Variants in LIMS4 observed in about 807,000 individuals in gnomAD.
LIMS4 encodes LIM and senescent cell antigen-like-containing domain protein 4.
chr2:110,382,065 C>CAAAA, the LIMS4 span, among the ~76,000 whole-genome samples: 2 of 10,084 alleles, frequency 2.0e-4, no homozygotes, highest in Non-Finnish European at 3.4e-4. Flanking sequence ...GACTCCGTCT[C>CAAAA]AAAAAAAAAA....
chr2:110,360,746 A>AT, the LIMS4 span: 1 of 1,603,146 alleles, frequency 6.2e-7, no homozygotes, highest in African/African-American at 1.4e-5. Context: ...CCATTGGGAG[A>AT]TTCATCCTCG....
chr2:110,366,838 CA>C, the LIMS4 span, among the ~76,000 whole-genome samples: 1 of 150,704 alleles, frequency 6.6e-6, no homozygotes, highest in East Asian at 1.9e-4. Flanking sequence ...ACAACTTCAG[CA>C]AAGTTTCAGG....
the LIMS4 span, among the ~76,000 whole-genome samples, chr2:110,367,687 G>A: frequency 1.4e-5 from 2 of 146,516 alleles, no homozygotes; most frequent in Non-Finnish European, 3.0e-5. Context: ...GACCAGCCTG[G>A]GCAACATGGT....
chr2:110,367,416 A>G, the LIMS4 span, among the ~76,000 whole-genome samples: 1 of 144,020 alleles, frequency 6.9e-6, no homozygotes, highest in Admixed American at 6.8e-5. Context: ...GAACCCAGAA[A>G]TGAAGCCACA....
chr2:110,391,728 T>TA, the LIMS4 span, among the ~76,000 whole-genome samples: 1 of 57,186 alleles, frequency 1.7e-5, no homozygotes, highest in Admixed American at 1.7e-4. Flanking sequence ...CGGGGAGCCA[T>TA]TAGTGAGGCT....
chr2:110,392,595 C>T, the LIMS4 span, among the ~76,000 whole-genome samples: 2 of 152,084 alleles, frequency 1.3e-5, no homozygotes, highest in Admixed American at 6.5e-5. Context: ...GTGATGCGGG[C>T]CTGGAATTTA....
the LIMS4 span, among the ~76,000 whole-genome samples, chr2:110,395,819 G>A: frequency 8.3e-6 from 1 of 120,132 alleles, no homozygotes; most frequent in East Asian, 2.4e-4. Context: ...GAGCCATCAT[G>A]TCCCTGATCT....
the LIMS4 span, among the ~76,000 whole-genome samples, chr2:110,419,669 A>G: frequency 4.5e-5 from 2 of 44,698 alleles, 1 homozygote; most frequent in Non-Finnish European, 7.2e-5. Flanking sequence ...AAAAAAAAAA[A>G]AAAAAAAAGA....
the LIMS4 span, among the ~76,000 whole-genome samples, chr2:110,396,261 G>A: frequency 1.7e-4 from 6 of 35,694 alleles, no homozygotes; most frequent in South Asian, 2.0e-3. Context: ...GGAAGTGCTC[G>A]TGTCCCAAGG....
the LIMS4 span, among the ~76,000 whole-genome samples, chr2:110,374,091 A>C: frequency 3.6e-5 from 4 of 110,866 alleles, no homozygotes; most frequent in East Asian, 6.9e-4. Flanking sequence ...TCATCGTCCC[A>C]AACCAGGACC....
the LIMS4 span, chr2:110,361,964 C>T: frequency 2.0e-5 from 27 of 1,334,344 alleles, 1 homozygote; most frequent in East Asian, 1.4e-4. Context: ...AACATTGCAA[C>T]GTACACATCA....
the LIMS4 span, chr2:110,386,597 T>A: frequency 6.4e-6 from 4 of 629,396 alleles, no homozygotes; most frequent in Non-Finnish European, 1.1e-5. Flanking sequence ...GCGCCTTAGG[T>A]GTGGTGCTCC....
chr2:110,370,519 G>A, the LIMS4 span, among the ~76,000 whole-genome samples: 1 of 3,558 alleles, frequency 2.8e-4, no homozygotes. Flanking sequence ...TTTAGAGAGC[G>A]TGTATTTCTT....
chr2:110,365,777 C>T, the LIMS4 span, among the ~76,000 whole-genome samples: 417 of 135,484 alleles, frequency 3.1e-3, no homozygotes, highest in Middle Eastern at 0.014. Context: ...ATAGCTAGAA[C>T]GCTAACTAGA....
chr2:110,367,697 T>G, the LIMS4 span, among the ~76,000 whole-genome samples: 3 of 146,508 alleles, frequency 2.0e-5, 1 homozygote, highest in African/African-American at 5.5e-5. Context: ...GGCAACATGG[T>G]GAAACCCCAC....
chr2:110,365,835 A>G, the LIMS4 span, among the ~76,000 whole-genome samples: 1 of 145,152 alleles, frequency 6.9e-6, no homozygotes, highest in African/African-American at 2.7e-5. Flanking sequence ...ATCAAAATTG[A>G]CAAAGGAGAC....
At chr2:110,387,247 G>C in the LIMS4 span, 1 of 903,470 alleles carries the variant, frequency 1.1e-6, no homozygotes, top group African/African-American at 1.7e-5. Flanking sequence ...GCCTCCACAT[G>C]GTAGTGCAGG....
chr2:110,407,799 AC>A, the LIMS4 span: 1 of 102,618 alleles, frequency 9.7e-6, no homozygotes, highest in African/African-American at 3.8e-5. Flanking sequence ...GTATTGGATT[AC>A]GTCCAAATCT....
chr2:110,367,076 AC>A, the LIMS4 span, among the ~76,000 whole-genome samples: 1 of 151,030 alleles, frequency 6.6e-6, no homozygotes, highest in African/African-American at 2.5e-5. Flanking sequence ...ATCAGAGCTG[AC>A]CCAAACAAAT....
Sources: allele counts gnomAD v4.1 joint callset (sites outside exome capture counted in the v4.1 genomes callset), GRCh38; gene constraint gnomAD v4.1.1; transcripts MANE v1.5; gene names NCBI Gene and HGNC (gene_info 2026-07-23, HGNC 2026-07-21).